Variants in COL24A1 observed in about 807,000 individuals in gnomAD.
COL24A1 encodes collagen alpha-1(XXIV) chain.
In COL24A1, 224 loss-of-function variants were observed where a neutral mutation model predicts 253.9. That is an observed-to-expected ratio of 0.88 (90% confidence interval 0.79 to 0.99). The LOEUF (loss-of-function observed/expected upper bound fraction) is 0.99, where lower values mean the gene tolerates loss of function less well. Ranked by LOEUF, COL24A1 falls within the 50% of genes least tolerant of loss-of-function variation. The pLI is 0.00. For missense variants in COL24A1, 2,131 were observed against 2,068.5 expected, an observed-to-expected ratio of 1.03 and a Z score of -0.59; for synonymous variants, 685 against 673.7, an observed-to-expected ratio of 1.02 and a Z score of -0.26.
chr1:86,106,658 C>T (rs1449048811), intron 5 of COL24A1, among the ~76,000 whole-genome samples: 1 of 152,046 alleles, frequency 6.6e-6, no homozygotes, highest in Non-Finnish European at 1.5e-5. Flanking sequence ...GAATACAGTT[C>T]ATTTAATAGA....
rs564758417 is a variant in COL24A1 at position 85,945,858 on chromosome 1, A to G, written c.2562+15391T>C. Among the ~76,000 whole-genome samples, 21 of 152,238 alleles carry G rather than the reference A, an allele frequency of 1.4e-4. 2 individuals are homozygous for G. The South Asian group carries it at 3.5e-3, about 26-fold the overall frequency. ...TTACTGGTTACTTGGAAGATACGAT[A>G]TAATTCCTCAAATAATGTCTCCTAT... is the stretch of plus-strand genomic sequence containing the variant. On this transcript the variant is annotated intron_variant, in intron 24 of 59. Coordinates refer to ENST00000370571, the MANE Select transcript of COL24A1 (RefSeq NM_152890.7).
intron 7 of COL24A1, among the ~76,000 whole-genome samples, chr1:86,078,638 C>G (rs748775194): frequency 6.6e-6 from 1 of 151,962 alleles, no homozygotes; most frequent in Non-Finnish European, 1.5e-5. Flanking sequence ...AATCAACATA[C>G]AAAAATCAGT....
chr1:85,810,033 G>A (rs1476631180), intron 47 of COL24A1, among the ~76,000 whole-genome samples: 3 of 151,114 alleles, frequency 2.0e-5, no homozygotes, highest in Non-Finnish European at 4.4e-5. Context: ...TCCTAGGTGA[G>A]GAAGGAGGTC....
chr1:85,866,843 C>T (rs1269657924), intron 37 of COL24A1, among the ~76,000 whole-genome samples: 1 of 152,040 alleles, frequency 6.6e-6, no homozygotes, highest in Non-Finnish European at 1.5e-5. Context: ...TGCTGGAACA[C>T]CCATCACAGT....
At chr1:85,887,561 T>A (rs888763150) in intron 32 of COL24A1, among the ~76,000 whole-genome samples, 2 of 152,134 alleles carry the variant, frequency 1.3e-5, no homozygotes, top group Non-Finnish European at 2.9e-5. Flanking sequence ...ACTTTGCTGT[T>A]ATAGTATGAA....
intron 53 of COL24A1, among the ~76,000 whole-genome samples, chr1:85,771,276 G>A (rs572330882): frequency 4.6e-5 from 7 of 151,792 alleles, no homozygotes; most frequent in African/African-American, 1.2e-4. Flanking sequence ...GACAGGCCCC[G>A]GTGTGTGATG....
At chr1:85,944,487 C>G (rs1245692176) in intron 24 of COL24A1, among the ~76,000 whole-genome samples, 1 of 151,998 alleles carries the variant, frequency 6.6e-6, no homozygotes, top group Non-Finnish European at 1.5e-5. Flanking sequence ...TTAAATTATT[C>G]TTTCCAGAAT....
chr1:85,969,936 A>G (rs561506645), intron 22 of COL24A1, among the ~76,000 whole-genome samples: 3 of 152,234 alleles, frequency 2.0e-5, no homozygotes, highest in Non-Finnish European at 4.4e-5. Context: ...TAAAATGGCT[A>G]AAGTATTTAG....
rs72954510 is a variant in COL24A1, at chr1:85,916,991, C to T, written c.2563-5558G>A. On this transcript the variant is annotated intron_variant, in intron 24 of 59. Coordinates refer to ENST00000370571, the MANE Select transcript of COL24A1 (RefSeq NM_152890.7). ...TATTTAAGTACAAAAGTAGAATCAT[C>T]GGCATTATCAGTATGGACACAGATT... Among the ~76,000 whole-genome samples, 950 of 152,228 alleles carry T rather than the reference C, an allele frequency of 6.2e-3. 10 individuals carry two copies. Among genetic ancestry groups the T allele is most frequent in the African/African-American group, 0.021 (891 of 41,528 alleles).
intron 28 of COL24A1, among the ~76,000 whole-genome samples, chr1:85,902,299 A>G (rs1250773940): frequency 1.3e-5 from 2 of 152,210 alleles, no homozygotes; most frequent in Non-Finnish European, 2.9e-5. Flanking sequence ...TTATCACCAG[A>G]GTCTTACAAT....
intron 7 of COL24A1, among the ~76,000 whole-genome samples, chr1:86,085,703 A>G (rs1261509084): frequency 6.6e-6 from 1 of 152,174 alleles, no homozygotes; most frequent in Non-Finnish European, 1.5e-5. Context: ...TTTTGGCAAA[A>G]ATTCAGACAC....
rs562800420 is a variant in COL24A1 at position 85,895,837 on chromosome 1, A to C, written c.2922+21T>G. 454 of 1,598,082 alleles carry C rather than the reference A, an allele frequency of 2.8e-4. 6 individuals carry two copies. In the South Asian group the frequency reaches 4.8e-3, roughly 17 times the overall value. ...AATGCAGATAAAAATTTTTCATAGC[A>C]TGATTTTTTAAATTACTTACTGGTT... is the stretch of plus-strand genomic sequence containing the variant. On this transcript the variant is annotated intron_variant, in intron 31 of 59. Transcript: ENST00000370571.
intron 2 of COL24A1, among the ~76,000 whole-genome samples, chr1:86,137,973 A>G (rs1295259225): frequency 6.6e-6 from 1 of 152,134 alleles, no homozygotes; most frequent in Non-Finnish European, 1.5e-5. Context: ...CACCTATGCC[A>G]TTTATTCTCT....
intron 57 of COL24A1, among the ~76,000 whole-genome samples, chr1:85,743,686 G>T (rs1447594124): frequency 2.0e-5 from 3 of 152,100 alleles, no homozygotes; most frequent in Non-Finnish European, 2.9e-5. Context: ...CAATTCTACA[G>T]AATTACACTT....
At chr1:85,791,011 A>G (rs957425121) in intron 47 of COL24A1, among the ~76,000 whole-genome samples, 1 of 152,192 alleles carries the variant, frequency 6.6e-6, no homozygotes, top group Admixed American at 6.5e-5. Flanking sequence ...TGTTAGCCCA[A>G]TAAGGAAAAT....
At chr1:86,081,885 A>T (rs1286757326) in intron 7 of COL24A1, among the ~76,000 whole-genome samples, 1 of 152,212 alleles carries the variant, frequency 6.6e-6, no homozygotes, top group Non-Finnish European at 1.5e-5. Flanking sequence ...ATATTTATAT[A>T]ATGTTGAGAA....
intron 53 of COL24A1, among the ~76,000 whole-genome samples, chr1:85,769,222 A>G (rs1438397097): frequency 6.6e-6 from 1 of 152,232 alleles, no homozygotes; most frequent in African/African-American, 2.4e-5. Context: ...GGGACACAGC[A>G]TTAAAACAAA....
intron 12 of COL24A1, among the ~76,000 whole-genome samples, chr1:86,034,301 G>T (rs1326891320): frequency 6.6e-6 from 1 of 152,046 alleles, no homozygotes; most frequent in Non-Finnish European, 1.5e-5. Context: ...ACCCCATAGA[G>T]AATAAAATAG....
chr1:86,024,944 A>C (rs2101399226), intron 14 of COL24A1, among the ~76,000 whole-genome samples: 1 of 152,132 alleles, frequency 6.6e-6, no homozygotes, highest in East Asian at 1.9e-4. Flanking sequence ...TACTTTGTAT[A>C]TATAATATCC....
Sources: allele counts gnomAD v4.1 joint callset (sites outside exome capture counted in the v4.1 genomes callset), GRCh38; gene constraint gnomAD v4.1.1; transcripts MANE v1.5; gene names NCBI Gene and HGNC (gene_info 2026-07-23, HGNC 2026-07-21).